The following REV3L variants were observed in gnomAD, a reference collection of about 807,000 sequenced individuals.
The protein encoded by REV3L is REV3 like, DNA directed polymerase zeta catalytic subunit, also known as DNA polymerase zeta catalytic subunit.
REV3L carries 69 observed loss-of-function variants against 299.4 expected under a neutral mutation model. That is an observed-to-expected ratio of 0.23 (90% CI 0.19 to 0.28). The LOEUF (loss-of-function observed/expected upper bound fraction) is 0.28, where lower values mean the gene tolerates loss of function less well. Ranked by LOEUF, REV3L falls within the 10% of genes least tolerant of loss-of-function variation. REV3L has a pLI of 1.00. For missense variants in REV3L, 3,128 were observed against 3,693.8 expected, an observed-to-expected ratio of 0.85 and a Z score of 3.97; for synonymous variants, 1,238 against 1,271.4, an observed-to-expected ratio of 0.97 and a Z score of 0.56.
At position 111,422,663 on chromosome 6, in the gene REV3L, C is replaced by CATAT. The variant is rs59939393; in HGVS notation, c.140-6195_140-6192dup. On this transcript the variant is annotated intron_variant, in intron 1 of 31. Coordinates refer to ENST00000368802, the MANE Select transcript of REV3L (RefSeq NM_001372078.1). ...ATATATATATACATATATATATATA[C>CATAT]ATATATATATATATACGTATATATA... 2.5e-3 allele frequency among the ~76,000 whole-genome samples: 44 copies of CATAT among 17,872 alleles called. 5 individuals are homozygous for CATAT. The highest frequency in any genetic ancestry group is 5.2e-3 in the African/African-American group (43 of 8,236). The allele number at this position is 17,872 out of a possible 152,430, so 11.7% of individuals were successfully genotyped here.
chr6:111,431,737 G>T (rs1426083499), intron 1 of REV3L: 6 of 857,678 alleles, frequency 7.0e-6, no homozygotes, highest in African/African-American at 1.7e-5. Flanking sequence ...AGATACTGAA[G>T]AACCTAAAAA....
intron 1 of REV3L, among the ~76,000 whole-genome samples, chr6:111,442,851 T>C (rs1314121413): frequency 6.6e-6 from 1 of 152,174 alleles, no homozygotes; most frequent in Non-Finnish European, 1.5e-5. Flanking sequence ...TTTATTAATT[T>C]GCAACAATTC....
At chr6:111,324,128 T>C (rs958193812) in intron 25 of REV3L, among the ~76,000 whole-genome samples, 5 of 152,294 alleles carry the variant, frequency 3.3e-5, no homozygotes, top group Admixed American at 2.6e-4. Context: ...GTCTCCCGAA[T>C]AGCTGGGATT....
chr6:111,374,833 A>C lies in REV3L; in HGVS notation c.3522T>G (p.Ile1174Met). 6.2e-7 allele frequency: 1 copy of C among 1,613,590 alleles called. No individual in the cohort carries two copies. Among genetic ancestry groups the C allele is most frequent in the Non-Finnish European group, 8.5e-7 (1 of 1,179,862 alleles). ...IGKTSRARAQ[I>M]KKSKAKLANP... is the part of the protein sequence containing the mutation. ...TAGCAAGCTTTGCTTTTGATTTCTT[A>C]ATCTGTGCTCTTGCGCGACTAGTTT... Residue 1174 changes from isoleucine to methionine, a missense_variant, in exon 13 of 32, where the codon ATT becomes ATG. This residue lies in a region of REV3L where 2,409 missense variants were observed against 2,611.8 expected (regional missense o/e 0.92). Coordinates refer to ENST00000368802, the MANE Select transcript of REV3L (RefSeq NM_001372078.1).
chr6:111,465,988 T>C (rs1025940639), intron 1 of REV3L, among the ~76,000 whole-genome samples: 3 of 152,214 alleles, frequency 2.0e-5, no homozygotes, highest in Admixed American at 1.3e-4. Context: ...ATCTATGAAC[T>C]AGCTGTTTGC....
Position 111,376,050 on chromosome 6 carries a change from G to A in REV3L, c.2305C>T (p.Leu769=). 6.2e-7 allele frequency: 1 copy of A among 1,613,866 alleles called. No homozygotes were observed. Among genetic ancestry groups the A allele is most frequent in the South Asian group, 1.1e-5 (1 of 91,078 alleles). The stretch of plus-strand genomic sequence containing the variant: ...TCATACCTAATTTTAAGTTTATTTA[G>A]TCCACTTTCATCAGCAGTGCTATTA... ...SLNSTADESG[L]NKLKIRYEEF... is the part of the protein sequence containing the mutation. The change falls in exon 13 of 32, where the codon CTA becomes TTA. Residue 769 remains leucine, a synonymous_variant. Transcript: ENST00000368802.
chr6:111,376,009 A>G lies in REV3L; in HGVS notation c.2346T>C (p.His782=). The G allele has an allele frequency of 6.2e-7, 1 of 1,613,836 alleles. No individual in the cohort carries two copies. Among genetic ancestry groups the G allele is most frequent in the Non-Finnish European group, 8.5e-7 (1 of 1,179,862 alleles). Residue 782 remains histidine (H), a synonymous_variant, in exon 13 of 32, where the codon CAT becomes CAC. Coordinates refer to ENST00000368802, the MANE Select transcript of REV3L (RefSeq NM_001372078.1). ...GGCTGAGGCTTGGCTTTTCTGTTTTATGTTCTTGAAATTCTTCATACCTAA... is the reference window on the plus strand; with the variant it reads ...GGCTGAGGCTTGGCTTTTCTGTTTTGTGTTCTTGAAATTCTTCATACCTAA... ...LKIRYEEFQE[H]KTEKPSLSQQ... is the part of the protein sequence containing the mutation.
chr6:111,383,705 A>G lies in REV3L; in HGVS notation c.1097-2261T>C, dbSNP rs138410230. Reference sequence around the variant, plus strand: ...CTACCCAGAGCAATCTACAGATTCAATGCAATCCCTATCAAAATACCAATG... The same window carrying G: ...CTACCCAGAGCAATCTACAGATTCAGTGCAATCCCTATCAAAATACCAATG... On this transcript the variant is annotated intron_variant, in intron 9 of 31. Coordinates refer to ENST00000368802, the MANE Select transcript of REV3L (RefSeq NM_001372078.1). 1.3e-4 allele frequency among the ~76,000 whole-genome samples: 20 copies of G among 152,296 alleles called. No homozygotes were observed. In the East Asian group the frequency reaches 2.1e-3, roughly 16 times the overall value.
intron 13 of REV3L, among the ~76,000 whole-genome samples, chr6:111,370,968 C>CT (rs79890907): frequency 4.3e-4 from 63 of 145,804 alleles, no homozygotes; most frequent in Non-Finnish European, 3.0e-4. Context: ...TTGTATCTTT[C>CT]TTTTTTTTTT....
rs751394377 is a variant in REV3L at position 111,357,129 on chromosome 6, A to G, written c.7073-4T>C. 7 of 1,327,312 alleles carry G rather than the reference A, an allele frequency of 5.3e-6. No individual in the cohort carries two copies. The Admixed American group carries it at 6.0e-5, about 11-fold the overall frequency. The allele number at this position is 1,327,312 out of a possible 1,614,324, so 82.2% of individuals were successfully genotyped here. ...AATGGAGTCTGATATCTGATATCTA[A>G]AAAACAAACAAAATGTCTATTATAT... On this transcript the variant is annotated splice_polypyrimidine_tract_variant and splice_region_variant and intron_variant, in intron 17 of 31. Coordinates refer to ENST00000368802, the MANE Select transcript of REV3L (RefSeq NM_001372078.1).
intron 1 of REV3L, among the ~76,000 whole-genome samples, chr6:111,455,584 G>A (rs1180064271): frequency 6.6e-6 from 1 of 152,078 alleles, no homozygotes; most frequent in Non-Finnish European, 1.5e-5. Flanking sequence ...GAGACAAACT[G>A]GGAGGCTATT....
chr6:111,312,469 G>C (rs1773087779), intron 28 of REV3L: 1 of 152,164 alleles, frequency 6.6e-6, no homozygotes, highest in African/African-American at 2.4e-5. Flanking sequence ...TGAGAAATTT[G>C]AGTAATTTAT....
In REV3L at chr6:111,358,812, T is replaced by A; in HGVS notation, c.7072+10A>T. 2 of 1,592,914 alleles carry A rather than the reference T, an allele frequency of 1.3e-6. No individual in the cohort carries two copies. The highest frequency in any genetic ancestry group is 1.7e-6 in the Non-Finnish European group (2 of 1,164,984). On this transcript the variant is annotated intron_variant, in intron 17 of 31. Coordinates refer to ENST00000368802, the MANE Select transcript of REV3L (RefSeq NM_001372078.1). ...TGGGCAGGTATATCATTAATAAAAA[T>A]GGACAATACCTTGACTGAAAACTGT...
chr6:111,411,353 A>C (rs567690647), intron 3 of REV3L, 127 bp downstream of exon 3: 27 of 648,888 alleles, frequency 4.2e-5, no homozygotes, highest in Non-Finnish European at 6.2e-5. Flanking sequence ...ATACACGTAC[A>C]TGTGTATTTT....
chr6:111,366,625 G>A (rs577252584), intron 14 of REV3L, among the ~76,000 whole-genome samples: 34 of 130,568 alleles, frequency 2.6e-4, no homozygotes, highest in Non-Finnish European at 5.4e-4. Flanking sequence ...AGTTTACTGG[G>A]AATCTTTACA....
rs952700568 is a variant in REV3L at position 111,342,405 on chromosome 6, A to C, written c.7538+1520T>G. ...AGATCCAGGCCGGGCACGGTGGCTC[A>C]TGCCTGTAATCCCAGCACTTTGGGA... On this transcript the variant is annotated intron_variant, in intron 21 of 31. Transcript: ENST00000368802. 3.9e-5 allele frequency among the ~76,000 whole-genome samples: 6 copies of C among 152,188 alleles called. No individual in the cohort carries two copies. In the East Asian group the frequency reaches 1.2e-3, roughly 29 times the overall value.
Position 111,373,999 on chromosome 6 carries a change from G to C in REV3L, c.4356C>G (p.Ser1452Arg), listed in dbSNP as rs1353368156. 1 of 1,614,082 alleles carries C rather than the reference G, an allele frequency of 6.2e-7. No homozygotes were observed. The highest frequency in any genetic ancestry group is 8.5e-7 in the Non-Finnish European group (1 of 1,179,984). ...TTACAAAGCAATTATTAGGCATTTG[G>C]CTTTCCTCTGAAGCTGTATTTCCCG... is the stretch of plus-strand genomic sequence containing the variant. ...CSPGNTASEE[S>R]QMPNNCFVTS... The change falls in exon 13 of 32, where the codon AGC (serine) becomes AGG (arginine). Residue 1452 changes from serine to arginine, a missense_variant. Physicochemically the swap from Ser to Arg is moderately radical, Grantham distance 110. This residue lies in a region of REV3L where 2,409 missense variants were observed against 2,611.8 expected (regional missense o/e 0.92). Transcript: ENST00000368802.
At chr6:111,384,879 A>G (rs1781193186) in intron 9 of REV3L, among the ~76,000 whole-genome samples, 1 of 152,242 alleles carries the variant, frequency 6.6e-6, no homozygotes, top group South Asian at 2.1e-4. Flanking sequence ...ATGGATAAAG[A>G]AAATGTGGTA....
In REV3L at chr6:111,389,135, G is replaced by A. The variant is rs763719446; in HGVS notation, c.833C>T (p.Thr278Ile). 6.2e-7 allele frequency: 1 copy of A among 1,613,914 alleles called. No homozygotes were observed. The highest frequency in any genetic ancestry group is 8.5e-7 in the Non-Finnish European group (1 of 1,179,856). Reference protein sequence around the residue: ...EKQRRRNRNETSQMSQPESQD... With the variant: ...EKQRRRNRNEISQMSQPESQD... ...TGACTCAGGTTGGCTCATTTGAGAA[G>A]TTTCATTTCTGTTTCTTCGCCGTTG... is the stretch of plus-strand genomic sequence containing the variant. The change falls in exon 7 of 32, where the codon ACT becomes ATT. Residue 278 changes from threonine to isoleucine, a missense_variant. Thr to Ile is a moderately conservative substitution (Grantham distance 89). Coordinates refer to ENST00000368802, the MANE Select transcript of REV3L (RefSeq NM_001372078.1).
Sources: gnomAD v4.1 joint callset for allele counts (sites outside exome capture counted in the v4.1 genomes callset) on GRCh38, gnomAD v4.1.1 for gene constraint, gnomAD v4.1.1 regional missense constraint, MANE v1.5 for transcripts, NCBI Gene and HGNC (gene_info 2026-07-23, HGNC 2026-07-21) for gene names.